Variants in CHMP5 observed in about 807,000 individuals in gnomAD.
The protein encoded by CHMP5 is charged multivesicular body protein 5.
A neutral mutation model predicts 33.0 loss-of-function variants in CHMP5; 17 were observed. The ratio of observed to expected loss-of-function variants is 0.52; its 90% CI spans 0.35 to 0.77. CHMP5 has a LOEUF of 0.77. Ranked by LOEUF, CHMP5 falls within the 30% of genes least tolerant of loss-of-function variation. CHMP5 has a pLI of 0.01. For synonymous variants in CHMP5, 76 were observed against 90.2 expected, an observed-to-expected ratio of 0.84 and a Z score of 0.89; for missense variants, 216 against 261.5, an observed-to-expected ratio of 0.83 and a Z score of 1.20.
In CHMP5 at chr9:33,265,160, T is replaced by C. The variant is rs373158839; in HGVS notation, c.69+13T>C. ...CTGCATTGGCACGGTGGGCATTTGA[T>C]CATGCATAAGTAGGCTCAGGACCTC... On this transcript the variant is annotated intron_variant, in intron 1 of 7. Transcript: ENST00000223500. The C allele has an allele frequency of 1.2e-6, 2 of 1,613,796 alleles. No homozygotes were observed. Among genetic ancestry groups the C allele is most frequent in the African/African-American group, 2.7e-5 (2 of 74,964 alleles).
intron 5 of CHMP5, among the ~76,000 whole-genome samples, chr9:33,275,914 C>T (rs1247728652): frequency 2.0e-5 from 3 of 152,148 alleles, no homozygotes; most frequent in Admixed American, 2.0e-4. Flanking sequence ...GAGGCTGAGG[C>T]AGGAGAATCA....
Position 33,280,848 on chromosome 9 carries a change from C to T in CHMP5, c.649C>T (p.Pro217Ser). The T allele has an allele frequency of 1.2e-6, 2 of 1,611,216 alleles. No homozygotes were observed. Among genetic ancestry groups the T allele is most frequent in the Non-Finnish European group, 1.7e-6 (2 of 1,178,992 alleles). Reference sequence around the variant, plus strand: ...GGATGAATTTGGATTGCCACAGATCCCTGCTTCATAGATTTGCATCATTCA... The same window carrying T: ...GGATGAATTTGGATTGCCACAGATCTCTGCTTCATAGATTTGCATCATTCA... Reference protein sequence around the residue: ...LVDEFGLPQIPAS With the variant: ...LVDEFGLPQISAS Residue 217 changes from proline (P) to serine (S), a missense_variant, in exon 8 of 8, where the codon CCT becomes TCT. Pro to Ser is a moderately conservative substitution (Grantham distance 74). Coordinates refer to ENST00000223500, the MANE Select transcript of CHMP5 (RefSeq NM_016410.6).
intron 6 of CHMP5, 28 bp downstream of exon 6, chr9:33,276,592 T>A: frequency 7.5e-7 from 1 of 1,333,250 alleles, no homozygotes; most frequent in South Asian, 1.2e-5. Context: ...TAATGTATAT[T>A]TAGTTTTGGA....
intron 5 of CHMP5, among the ~76,000 whole-genome samples, chr9:33,271,778 A>T (rs921601459): frequency 6.6e-6 from 1 of 152,220 alleles, no homozygotes; most frequent in Non-Finnish European, 1.5e-5. Flanking sequence ...AGGAACTTCT[A>T]TATTATGAGG....
At chr9:33,265,851 A>G (rs966608085) in intron 1 of CHMP5, among the ~76,000 whole-genome samples, 159 bp from the exon 2 acceptor site, 4 of 152,198 alleles carry the variant, frequency 2.6e-5, no homozygotes, top group Non-Finnish European at 5.9e-5. Flanking sequence ...TATAAAGCCC[A>G]GGGTTTCTGG....
chr9:33,280,970 A>T lies in CHMP5; in HGVS notation c.*111A>T. 1.2e-6 allele frequency: 1 copy of T among 833,092 alleles called. No individual in the cohort carries two copies. Among genetic ancestry groups the T allele is most frequent in the Non-Finnish European group, 1.9e-6 (1 of 540,542 alleles). 51.6% of individuals were successfully genotyped at this position (833,092 alleles called of 1,614,324 possible). A position where few individuals can be genotyped will look rare whatever the true frequency, so the allele number is the denominator to read the frequency against. On this transcript the variant is annotated 3_prime_UTR_variant, in exon 8 of 8. Transcript: ENST00000223500. The stretch of plus-strand genomic sequence containing the variant: ...ATTTAGGTTTCTTTCCTTTCTTTGA[A>T]GGAAAGTTTAATTACATTGCTCTTT...
At chr9:33,278,898 A>G (rs1456136582) in intron 7 of CHMP5, among the ~76,000 whole-genome samples, 2 of 152,146 alleles carry the variant, frequency 1.3e-5, no homozygotes, top group African/African-American at 4.8e-5. Flanking sequence ...AGGACTGTGC[A>G]AACTTAAAGC....
rs887326262 is a variant in CHMP5, at chr9:33,270,490, C to T, written c.222-133C>T. On this transcript the variant is annotated intron_variant, in intron 3 of 7. Coordinates refer to ENST00000223500, the MANE Select transcript of CHMP5 (RefSeq NM_016410.6). ...TAAATTGTTTTTGCCAATTTTTCTG[C>T]GTGATACCTAATTTTTAAGTTTTTT... 144 of 663,090 alleles carry T rather than the reference C, an allele frequency of 2.2e-4. 1 individual carries two copies. The highest frequency in any genetic ancestry group is 3.3e-4 in the Non-Finnish European group (127 of 384,572). The allele number at this position is 663,090 out of a possible 1,614,324, so 41.1% of individuals were successfully genotyped here. A position where few individuals can be genotyped will look rare whatever the true frequency, so the allele number is the denominator to read the frequency against.
chr9:33,271,020 T>G, intron 4 of CHMP5, 132 bp from the exon 5 acceptor site: 1 of 699,768 alleles, frequency 1.4e-6, no homozygotes, highest in Non-Finnish European at 2.4e-6. Flanking sequence ...AGGCGGAGGT[T>G]GCAGTGAGCC....
chr9:33,270,814 G>A lies in CHMP5; in HGVS notation c.315+98G>A. On this transcript the variant is annotated intron_variant, in intron 4 of 7. Coordinates refer to ENST00000223500, the MANE Select transcript of CHMP5 (RefSeq NM_016410.6). ...ACAGTTTAACCAGCCAGGCACAGTG[G>A]CTCACGCCTGTAATCCCAACACTTT... 3 of 989,388 alleles carry A rather than the reference G, an allele frequency of 3.0e-6. No homozygotes were observed. The Admixed American group carries it at 5.9e-5, about 20-fold the overall frequency. The allele number at this position is 989,388 out of a possible 1,614,324, so 61.3% of individuals were successfully genotyped here.
chr9:33,270,534 TA>T, intron 3 of CHMP5, 88 bp from the exon 4 acceptor site: 1 of 1,053,300 alleles, frequency 9.5e-7, no homozygotes. Context: ...GTTTTTTTTT[TA>T]AATACTCTTA....
intron 7 of CHMP5, among the ~76,000 whole-genome samples, chr9:33,280,403 C>T (rs1328151328): frequency 1.3e-5 from 2 of 152,204 alleles, no homozygotes; most frequent in African/African-American, 4.8e-5. Context: ...AAGTGACTGC[C>T]TATCCACGGG....
intron 2 of CHMP5, among the ~76,000 whole-genome samples, chr9:33,267,299 G>A (rs979937587): frequency 6.6e-6 from 1 of 152,178 alleles, no homozygotes; most frequent in Non-Finnish European, 1.5e-5. Flanking sequence ...TTGAGACAAT[G>A]AAAGCCCAAA....
chr9:33,266,244 G>A (rs1820721491), intron 2 of CHMP5, 130 bp downstream of exon 2: 1 of 522,294 alleles, frequency 1.9e-6, no homozygotes, highest in Non-Finnish European at 3.5e-6. Context: ...AGGCTGAGGC[G>A]GGTGGATCAC....
intron 7 of CHMP5, among the ~76,000 whole-genome samples, chr9:33,279,639 G>A (rs1046640729): frequency 1.1e-4 from 17 of 152,066 alleles, no homozygotes; most frequent in African/African-American, 2.4e-4. Context: ...TGGGGCAGGC[G>A]GATCACGAGG....
At chr9:33,278,371 G>A (rs1820880403) in intron 7 of CHMP5, 146 bp downstream of exon 7, 1 of 580,470 alleles carries the variant, frequency 1.7e-6, no homozygotes, top group Non-Finnish European at 3.1e-6. Context: ...TGAAGGTCCG[G>A]TTTTTCTGCA....
intron 6 of CHMP5, 76 bp from the exon 7 acceptor site, chr9:33,278,037 C>A: frequency 1.1e-6 from 1 of 905,076 alleles, no homozygotes; most frequent in Non-Finnish European, 1.8e-6. Context: ...TCAAGTCCAT[C>A]GATAAATGAG....
At chr9:33,272,227 C>T (rs978204671) in intron 5 of CHMP5, among the ~76,000 whole-genome samples, 8 of 151,866 alleles carry the variant, frequency 5.3e-5, no homozygotes, top group African/African-American at 1.7e-4. Context: ...TATAAAATGG[C>T]GCTCTTGACC....
chr9:33,266,404 G>C (rs972189591), intron 2 of CHMP5, among the ~76,000 whole-genome samples: 1 of 152,172 alleles, frequency 6.6e-6, no homozygotes, highest in Non-Finnish European at 1.5e-5. Flanking sequence ...CCTGGGAGGC[G>C]GAGGTTGCAG....
Sources: gnomAD v4.1 joint callset for allele counts (sites outside exome capture counted in the v4.1 genomes callset) on GRCh38, gnomAD v4.1.1 for gene constraint, MANE v1.5 for transcripts, NCBI Gene and HGNC (gene_info 2026-07-23, HGNC 2026-07-21) for gene names.